The following NME7 variants were observed in gnomAD, a reference collection of about 807,000 sequenced individuals.
NME7 encodes NME/NM23 family member 7, also known as nucleoside diphosphate kinase 7.
In NME7, 41 loss-of-function variants were observed where a neutral mutation model predicts 49.1. The ratio of observed to expected loss-of-function variants is 0.83; its 90% CI spans 0.65 to 1.08. The LOEUF is 1.08. Ranked by LOEUF, NME7 falls within the 50% of genes least tolerant of loss-of-function variation. The probability of loss-of-function intolerance (pLI) is 0.00; values close to 1 mark genes in which losing one functional copy is unlikely to be tolerated. For missense variants in NME7, 423 were observed against 463.4 expected (o/e 0.91, Z 0.80); for synonymous variants, 139 against 150.6 (o/e 0.92, Z 0.56).
Position 169,286,212 on chromosome 1 carries a change from T to C in NME7, c.754+1091A>G, listed in dbSNP as rs535335413. The C allele has an allele frequency of 7.9e-5, 12 of 152,180 alleles. No individual in the cohort carries two copies. The South Asian group carries it at 2.5e-3, about 32-fold the overall frequency. The allele number at this position is 152,180 out of a possible 1,614,324, so 9.4% of individuals were successfully genotyped here. On this transcript the variant is annotated intron_variant, in intron 7 of 11. Transcript: ENST00000367811. The stretch of plus-strand genomic sequence containing the variant: ...CACATACAAATGCAGAAAAAAATGA[T>C]TTGGAGGAAATGCATCAAAACATTA...
chr1:169,226,487 T>C (rs2101813344), intron 10 of NME7, among the ~76,000 whole-genome samples: 1 of 152,168 alleles, frequency 6.6e-6, no homozygotes, highest in Admixed American at 6.5e-5. Context: ...AGAGCCATTT[T>C]ATTGTCCTCA....
chr1:169,178,007 T>C (rs995263889), intron 10 of NME7, among the ~76,000 whole-genome samples: 3 of 151,944 alleles, frequency 2.0e-5, no homozygotes, highest in African/African-American at 7.3e-5. Flanking sequence ...CAGCTAATTT[T>C]TTTTTGTATT....
At chr1:169,280,261 G>A (rs1649951162) in intron 7 of NME7, among the ~76,000 whole-genome samples, 1 of 152,108 alleles carries the variant, frequency 6.6e-6, no homozygotes, top group African/African-American at 2.4e-5. Flanking sequence ...CTTCTTTTGA[G>A]AAGTGTCTGT....
At chr1:169,287,483 G>T in intron 6 of NME7, 75 bp from the exon 7 acceptor site, 1 of 1,030,324 alleles carries the variant, frequency 9.7e-7, no homozygotes, top group Non-Finnish European at 1.4e-6. Context: ...TGTGGGGGAG[G>T]AGAATCATGC....
In NME7 at chr1:169,311,639, A is replaced by T. The variant is rs535801433; in HGVS notation, c.279-1559T>A. ...ACACACTTAAAACTCTTCACTTTTTAATTCATATTATTTAAATATTTTAAT... is the reference window on the plus strand; with the variant it reads ...ACACACTTAAAACTCTTCACTTTTTTATTCATATTATTTAAATATTTTAAT... On this transcript the variant is annotated intron_variant, in intron 3 of 11. Coordinates refer to ENST00000367811, the MANE Select transcript of NME7 (RefSeq NM_013330.5). Among the ~76,000 whole-genome samples, 74 of 152,260 alleles carry T rather than the reference A, an allele frequency of 4.9e-4. No individual in the cohort carries two copies. The Middle Eastern group carries it at 0.01, about 21-fold the overall frequency.
chr1:169,326,437 G>A (rs1381669929), intron 1 of NME7, among the ~76,000 whole-genome samples: 1 of 152,146 alleles, frequency 6.6e-6, no homozygotes, highest in African/African-American at 2.4e-5. Context: ...CCATTGAAGT[G>A]AAACCAACAT....
At chr1:169,185,152 T>A (rs1348060228) in intron 10 of NME7, among the ~76,000 whole-genome samples, 2 of 152,194 alleles carry the variant, frequency 1.3e-5, no homozygotes, top group Admixed American at 6.5e-5. Flanking sequence ...AGAGTCAGCA[T>A]GATACAATTT....
rs1317306897 is a variant in NME7 at position 169,355,203 on chromosome 1, T to C, written c.3+12505A>G. Among the ~76,000 whole-genome samples the C allele has an allele frequency of 1.3e-4, 7 of 53,938 alleles. 2 individuals are homozygous for C. Among genetic ancestry groups the C allele is most frequent in the Non-Finnish European group, 1.9e-4 (6 of 30,784 alleles). 35.4% of individuals were successfully genotyped at this position (53,938 alleles called of 152,430 possible). On this transcript the variant is annotated intron_variant, in intron 1 of 11. Transcript: ENST00000367811. ...TACTATATATTATAGATATAATATA[T>C]AATATATATTATATATTATAGATAT...
intron 1 of NME7, among the ~76,000 whole-genome samples, chr1:169,359,695 G>A (rs184996635): frequency 5.3e-5 from 8 of 151,906 alleles, no homozygotes; most frequent in Non-Finnish European, 1.0e-4. Context: ...GCATATATAT[G>A]TATCATGTAA....
intron 1 of NME7, among the ~76,000 whole-genome samples, chr1:169,366,581 A>G (rs1653865942): frequency 1.3e-5 from 2 of 152,242 alleles, no homozygotes; most frequent in Admixed American, 1.3e-4. Flanking sequence ...TAACAGATGG[A>G]AGCAAATGAG....
At chr1:169,337,176 T>C (rs1652512925) in intron 1 of NME7, among the ~76,000 whole-genome samples, 1 of 152,118 alleles carries the variant, frequency 6.6e-6, no homozygotes, top group South Asian at 2.1e-4. Flanking sequence ...ACGGAGTGGG[T>C]GGGAGGCTCA....
At chr1:169,354,303 A>G (rs1653297989) in intron 1 of NME7, among the ~76,000 whole-genome samples, 1 of 152,104 alleles carries the variant, frequency 6.6e-6, no homozygotes, top group Non-Finnish European at 1.5e-5. Flanking sequence ...AAAACATTGC[A>G]CGTTCTCCCT....
intron 7 of NME7, among the ~76,000 whole-genome samples, chr1:169,275,428 G>A (rs1314320778): frequency 2.7e-5 from 3 of 110,450 alleles, no homozygotes; most frequent in Admixed American, 1.0e-4. Flanking sequence ...GCAGTGAGTC[G>A]AGATCGCGCC....
At chr1:169,240,037 T>A (rs910945300) in intron 7 of NME7, among the ~76,000 whole-genome samples, 5 of 152,006 alleles carry the variant, frequency 3.3e-5, no homozygotes, top group Non-Finnish European at 7.4e-5. Context: ...TTATATAGGT[T>A]ATCTCTATCA....
At chr1:169,279,520 C>T (rs1649910077) in intron 7 of NME7, among the ~76,000 whole-genome samples, 1 of 152,214 alleles carries the variant, frequency 6.6e-6, no homozygotes, top group South Asian at 2.1e-4. Context: ...TTCTGGTGCG[C>T]CATTTCCTAA....
At position 169,235,021 on chromosome 1, in the gene NME7, G is replaced by C. The variant is rs1647801214; in HGVS notation, c.888+110C>G. On this transcript the variant is annotated intron_variant, in intron 9 of 11. Transcript: ENST00000367811. ...ACTTTAGTATGAATGACTCTGTATT[G>C]ATTTTCAGTCTGGCCATTTGGGACC... is the stretch of plus-strand genomic sequence containing the variant. The C allele has an allele frequency of 9.9e-6, 5 of 504,692 alleles. No individual in the cohort carries two copies. In the Admixed American group the frequency reaches 1.7e-4, roughly 17 times the overall value. The allele number at this position is 504,692 out of a possible 1,614,324, so 31.3% of individuals were successfully genotyped here.
At chr1:169,177,067 C>T (rs1023455286) in intron 10 of NME7, among the ~76,000 whole-genome samples, 11 of 152,082 alleles carry the variant, frequency 7.2e-5, no homozygotes, top group Admixed American at 2.6e-4. Context: ...AATATCTCCC[C>T]GCAAAAGAAT....
At chr1:169,322,102 T>C (rs1651869696) in intron 3 of NME7, 1 of 152,220 alleles carries the variant, frequency 6.6e-6, no homozygotes. Flanking sequence ...ATCTTGCTAA[T>C]ACTGAAAATC....
At chr1:169,135,186 C>CA (rs1031343807) in intron 11 of NME7, among the ~76,000 whole-genome samples, 25 of 151,158 alleles carry the variant, frequency 1.7e-4, no homozygotes, top group South Asian at 4.2e-4. Context: ...AAAACAAAAA[C>CA]AAAAAAAACA....
Sources: allele counts gnomAD v4.1 joint callset (sites outside exome capture counted in the v4.1 genomes callset), GRCh38; gene constraint gnomAD v4.1.1; transcripts MANE v1.5; gene names NCBI Gene and HGNC (gene_info 2026-07-23, HGNC 2026-07-21).